SGIP1: variants seen among roughly 807,000 people sequenced by gnomAD.
The protein encoded by SGIP1 is SH3-containing GRB2-like protein 3-interacting protein 1.
A neutral mutation model predicts 107.5 loss-of-function variants in SGIP1; 38 were observed. The ratio of observed to expected loss-of-function variants is 0.35; its 90% CI spans 0.27 to 0.46. SGIP1 has a LOEUF of 0.46. Ranked by LOEUF, SGIP1 falls within the 20% of genes least tolerant of loss-of-function variation. SGIP1 has a pLI of 1.00. For synonymous variants in SGIP1, 365 were observed against 366.1 expected (o/e 1.00, Z 0.03); for missense variants, 929 against 1,019.5 (o/e 0.91, Z 1.21).
At chr1:66,680,784 G>A (rs1266204161) in intron 14 of SGIP1, among the ~76,000 whole-genome samples, 1 of 152,182 alleles carries the variant, frequency 6.6e-6, no homozygotes, top group Admixed American at 6.5e-5. Context: ...TTCCTTTCAA[G>A]CTAGAAATAT....
intron 7 of SGIP1, among the ~76,000 whole-genome samples, chr1:66,649,749 A>C (rs1014683444): frequency 1.1e-3 from 20 of 18,828 alleles, no homozygotes; most frequent in Admixed American, 2.5e-3. Context: ...CACACACACA[A>C]AAAAAATAAC....
At chr1:66,540,873 T>C (rs1363949099) in intron 1 of SGIP1, among the ~76,000 whole-genome samples, 1 of 152,186 alleles carries the variant, frequency 6.6e-6, no homozygotes, top group African/African-American at 2.4e-5. Flanking sequence ...AATGAGATAA[T>C]TGATGTGCCA....
At chr1:66,612,247 C>T (rs572994340) in intron 1 of SGIP1, among the ~76,000 whole-genome samples, 1 of 152,284 alleles carries the variant, frequency 6.6e-6, no homozygotes, top group South Asian at 2.1e-4. Flanking sequence ...AAAACTCATC[C>T]ACCGCTTTGA....
chr1:66,607,953 G>A lies in SGIP1; in HGVS notation c.11-17894G>A, dbSNP rs181531713. 1.5e-3 allele frequency among the ~76,000 whole-genome samples: 222 copies of A among 152,252 alleles called. 3 individuals carry two copies. The highest frequency in any genetic ancestry group is 6.9e-4 in the Non-Finnish European group (47 of 68,012). ...GGAGAGGAGAATAGGGGAAGCATGCGGGGATCACCAAAGATCTTGTGAGCT... is the reference window on the plus strand; with the variant it reads ...GGAGAGGAGAATAGGGGAAGCATGCAGGGATCACCAAAGATCTTGTGAGCT... On this transcript the variant is annotated intron_variant, in intron 1 of 24. Transcript: ENST00000371037.
intron 1 of SGIP1, among the ~76,000 whole-genome samples, chr1:66,605,900 T>C (rs957041417): frequency 5.3e-5 from 8 of 152,120 alleles, no homozygotes; most frequent in Non-Finnish European, 8.8e-5. Context: ...AGGTAAAGTT[T>C]CGATTGCTTC....
intron 6 of SGIP1, 51 bp from the exon 7 acceptor site, chr1:66,643,493 T>G: frequency 6.7e-7 from 1 of 1,502,824 alleles, no homozygotes; most frequent in East Asian, 2.4e-5. Context: ...TGTCTTGGAG[T>G]CGTTGCCTCC....
intron 18 of SGIP1, among the ~76,000 whole-genome samples, chr1:66,700,314 T>C (rs2091693210): frequency 7.0e-6 from 1 of 143,434 alleles, no homozygotes; most frequent in South Asian, 2.2e-4. Flanking sequence ...GAGGTTGCAG[T>C]GAGCCAAGAT....
intron 4 of SGIP1, among the ~76,000 whole-genome samples, chr1:66,636,502 T>C (rs2149431653): frequency 6.6e-6 from 1 of 152,344 alleles, no homozygotes; most frequent in African/African-American, 2.4e-5. Context: ...ATAGCCGTGT[T>C]GTACATTATG....
chr1:66,555,611 T>A (rs949390890), intron 1 of SGIP1, among the ~76,000 whole-genome samples: 1 of 152,180 alleles, frequency 6.6e-6, no homozygotes. Flanking sequence ...CATGTCAGAA[T>A]TTTCTAAACC....
chr1:66,686,616 C>G (rs1429298543), intron 15 of SGIP1, among the ~76,000 whole-genome samples: 2 of 152,074 alleles, frequency 1.3e-5, no homozygotes, highest in Non-Finnish European at 1.5e-5. Context: ...TTGTGAAATA[C>G]CCCTCAGGCC....
intron 16 of SGIP1, among the ~76,000 whole-genome samples, chr1:66,689,689 G>A (rs1298981841): frequency 6.6e-6 from 1 of 152,232 alleles, no homozygotes; most frequent in Admixed American, 6.5e-5. Context: ...GTGGTGGCTT[G>A]AGGAATTTGT....
chr1:66,688,279 A>T (rs929708265), intron 15 of SGIP1, among the ~76,000 whole-genome samples: 2 of 152,212 alleles, frequency 1.3e-5, no homozygotes, highest in Non-Finnish European at 2.9e-5. Context: ...GACTTTTTAA[A>T]GGTTTTTGGT....
At position 66,560,816 on chromosome 1, in the gene SGIP1, A is replaced by G. The variant is rs2058827856; in HGVS notation, c.10+26448A>G. On this transcript the variant is annotated intron_variant, in intron 1 of 24. Coordinates refer to ENST00000371037, the MANE Select transcript of SGIP1 (RefSeq NM_032291.4). Reference sequence around the variant, plus strand: ...TGCCACTAACTGTGTGACCTTAGGCAAGTTCTTAAGCTTTATGCTTTGGTT... The same window carrying G: ...TGCCACTAACTGTGTGACCTTAGGCGAGTTCTTAAGCTTTATGCTTTGGTT... Among the ~76,000 whole-genome samples the G allele has an allele frequency of 3.3e-5, 5 of 152,102 alleles. No homozygotes were observed. In the South Asian group the frequency reaches 1.0e-3, roughly 31 times the overall value.
chr1:66,677,701 T>C (rs1216765218), intron 13 of SGIP1, among the ~76,000 whole-genome samples: 1 of 152,180 alleles, frequency 6.6e-6, no homozygotes, highest in East Asian at 1.9e-4. Flanking sequence ...CGGTGGTGGG[T>C]TGGGCTATTT....
chr1:66,736,408 TG>T (rs2094249518), intron 21 of SGIP1, among the ~76,000 whole-genome samples: 2 of 105,702 alleles, frequency 1.9e-5, no homozygotes, highest in African/African-American at 3.4e-5. Context: ...ATATATTATA[TG>T]TGAATATAAT....
chr1:66,609,448 G>A (rs1167348187), intron 1 of SGIP1, among the ~76,000 whole-genome samples: 1 of 152,158 alleles, frequency 6.6e-6, no homozygotes, highest in Non-Finnish European at 1.5e-5. Flanking sequence ...GACTTGTTTA[G>A]GGAATAGAAA....
chr1:66,660,911 T>C (rs1051313434), intron 8 of SGIP1, among the ~76,000 whole-genome samples: 1 of 152,206 alleles, frequency 6.6e-6, no homozygotes, highest in African/African-American at 2.4e-5. Flanking sequence ...GCGTACAACA[T>C]AGTAGCATCT....
At chr1:66,657,905 C>A (rs985166850) in intron 7 of SGIP1, among the ~76,000 whole-genome samples, 2 of 152,084 alleles carry the variant, frequency 1.3e-5, no homozygotes, top group Non-Finnish European at 2.9e-5. Flanking sequence ...CATTTTAAAT[C>A]GAAAACATCT....
At chr1:66,712,355 T>C (rs1368592203) in intron 18 of SGIP1, among the ~76,000 whole-genome samples, 1 of 152,098 alleles carries the variant, frequency 6.6e-6, no homozygotes, top group African/African-American at 2.4e-5. Flanking sequence ...AACTTCAACA[T>C]TGCAAAGTGG....
Sources: allele counts gnomAD v4.1 joint callset (sites outside exome capture counted in the v4.1 genomes callset), GRCh38; gene constraint gnomAD v4.1.1; transcripts MANE v1.5; gene names NCBI Gene and HGNC (gene_info 2026-07-23, HGNC 2026-07-21).